The following RYR1 variants were observed in gnomAD, a reference collection of about 807,000 sequenced individuals.
RYR1 encodes the protein central core disease of muscle.
Under a neutral mutation model 583.5 loss-of-function variants are expected in RYR1, and 342 were observed. The ratio of observed to expected loss-of-function variants is 0.59; its 90% CI spans 0.54 to 0.64. The LOEUF (loss-of-function observed/expected upper bound fraction) is 0.64. Among genes scored for constraint, RYR1 ranks in the 30% least tolerant of loss-of-function variants. The probability of loss-of-function intolerance (pLI) is 0.00; values close to 1 mark genes in which losing one functional copy is unlikely to be tolerated. For synonymous variants in RYR1, 2,791 were observed against 2,822.5 expected, an observed-to-expected ratio of 0.99 and a Z score of 0.35; for missense variants, 6,032 against 6,917.2, an observed-to-expected ratio of 0.87 and a Z score of 4.54.
rs11882640 is a variant in RYR1, at chr19:38,473,718, C to T, written c.4107C>T (p.Pro1369=). Residue 1369 remains proline (P), a synonymous_variant, in exon 28 of 106, where the codon CCC becomes CCT. Transcript: ENST00000359596. ...GTPQAGGEAQ[P]ARAENEKDAT... ...CGCAGGCGGGGGGAGAGGCGCAGCC[C>T]GCCAGGGCGGAGAATGAGAAGGATG... The T allele has an allele frequency of 6.0e-3, 9,223 of 1,547,822 alleles. 332 individuals are homozygous for T. In the African/African-American group the frequency reaches 0.092, roughly 15 times the overall value.
Position 38,458,614 on chromosome 19 carries a change from G to T in RYR1, c.2167+322G>T, listed in dbSNP as rs62703960. On this transcript the variant is annotated intron_variant, in intron 18 of 105. Coordinates refer to ENST00000359596, the MANE Select transcript of RYR1 (RefSeq NM_000540.3). ...GAGAATTTATTTATTTATTTATTTT[G>T]TTTGTTTGTTTGTTTGTTTGTTTAT... Among the ~76,000 whole-genome samples the T allele has an allele frequency of 0.86, 125,529 of 146,048 alleles. 54,142 individuals are homozygous for T. The highest frequency in any genetic ancestry group is 0.98 in the East Asian group (4,804 of 4,892).
chr19:38,528,956 T>C lies in RYR1; in HGVS notation c.11040T>C (p.Ala3680=). ...AGTCTCCCCTCTCCCACCAGAAAGC[T>C]GGGGAGCAGGAGGAGGAGGAGGAAG... The part of the protein sequence containing the change: ...EDRMIDDLSK[A]GEQEEEEEEV... Residue 3680 remains alanine, a synonymous_variant, in exon 76 of 106, where the codon GCT becomes GCC. Transcript: ENST00000359596. The C allele has an allele frequency of 6.2e-7, 1 of 1,607,972 alleles. No individual in the cohort carries two copies. The highest frequency in any genetic ancestry group is 8.5e-7 in the Non-Finnish European group (1 of 1,177,154).
At chr19:38,572,352 T>TG in intron 95 of RYR1, 82 bp downstream of exon 95, 4 of 117,944 alleles carry the variant, frequency 3.4e-5, no homozygotes, top group East Asian at 2.7e-4. Flanking sequence ...TGGCTGGGGC[T>TG]GGGGGCCCTC....
At position 38,567,886 on chromosome 19, in the gene RYR1, G is replaced by T. The variant is rs200002274; in HGVS notation, c.13628G>T (p.Gly4543Val). 1.9e-6 allele frequency: 3 copies of T among 1,613,874 alleles called. No individual in the cohort carries two copies. The highest frequency in any genetic ancestry group is 3.3e-5 in the Admixed American group (2 of 60,008). Residue 4543 changes from glycine to valine, a missense_variant, in exon 93 of 106, where the codon GGA becomes GTA. Around this residue, in one of 11 missense-constraint regions of RYR1, gnomAD observed 753 missense variants for 759.6 expected, o/e 0.99. Coordinates refer to ENST00000359596, the MANE Select transcript of RYR1 (RefSeq NM_000540.3). ...KKEEAGGEFW[G>V]ELEVQRVKFL... is the part of the protein sequence containing the mutation. ...GAGGAAGCTGGAGGCGAATTCTGGGGAGAACTGGAGGTGCAGAGGGTGAAG... is the reference window on the plus strand; with the variant it reads ...GAGGAAGCTGGAGGCGAATTCTGGGTAGAACTGGAGGTGCAGAGGGTGAAG...
chr19:38,544,102 G>A (rs1428660868), intron 87 of RYR1, among the ~76,000 whole-genome samples: 3 of 152,028 alleles, frequency 2.0e-5, no homozygotes, highest in Admixed American at 6.6e-5. Context: ...TTCCATCCAC[G>A]CTTCCATTGG....
chr19:38,512,609 G>A lies in RYR1; in HGVS notation c.9472+126G>A. 1 of 923,576 alleles carries A rather than the reference G, an allele frequency of 1.1e-6. No homozygotes were observed. Among genetic ancestry groups the A allele is most frequent in the Non-Finnish European group, 1.7e-6 (1 of 576,650 alleles). The allele number at this position is 923,576 out of a possible 1,614,324, so 57.2% of individuals were successfully genotyped here. A position where few individuals can be genotyped will look rare whatever the true frequency, so the allele number is the denominator to read the frequency against. On this transcript the variant is annotated intron_variant, in intron 63 of 105. Transcript: ENST00000359596. This position sits in a 1 kb window ranked among gnomAD's most constrained non-coding sequence, Gnocchi z 5.1. ...TTTCTTGCTGTAAGCAAAGCATGCAGTCAGTACCTTGGCAGGTGGCAAATG... is the reference window on the plus strand; with the variant it reads ...TTTCTTGCTGTAAGCAAAGCATGCAATCAGTACCTTGGCAGGTGGCAAATG...
rs776128267 is a variant in RYR1, at chr19:38,578,186, G to T, written c.14346G>T (p.Gly4782=). 9 of 1,613,620 alleles carry T rather than the reference G, an allele frequency of 5.6e-6. No homozygotes were observed. In the South Asian group the frequency reaches 8.8e-5, roughly 16 times the overall value. The part of the protein sequence containing the change: ...IDVKYQIWKF[G]VIFTDNSFLY... ...TCAAGTACCAGATCTGGAAGTTCGG[G>T]GTCATCTTCACAGACAACGTGAGCA... The change falls in exon 99 of 106, where the codon GGG becomes GGT. Residue 4782 remains glycine (G), a synonymous_variant. Coordinates refer to ENST00000359596, the MANE Select transcript of RYR1 (RefSeq NM_000540.3).
intron 67 of RYR1, among the ~76,000 whole-genome samples, chr19:38,520,071 CTT>C (rs571307849): frequency 1.7e-4 from 19 of 112,188 alleles, no homozygotes; most frequent in Admixed American, 2.7e-4. Context: ...GAATAGTTTG[CTT>C]TTTTTTTTTT....
At chr19:38,433,901 T>TG in intron 1 of RYR1, 27 bp downstream of exon 1, 1 of 1,603,442 alleles carries the variant, frequency 6.2e-7, no homozygotes, top group Non-Finnish European at 8.5e-7. Context: ...TAGGGGCCTG[T>TG]GGGGCTATCT....
intron 93 of RYR1, 94 bp downstream of exon 93, chr19:38,568,011 C>T (rs1337311157): frequency 1.4e-6 from 2 of 1,427,854 alleles, no homozygotes; most frequent in African/African-American, 1.4e-5. Flanking sequence ...TTGAGTTCAT[C>T]TGTTCAAGCT....
intron 89 of RYR1, among the ~76,000 whole-genome samples, chr19:38,559,319 C>T (rs1273963484): frequency 2.0e-5 from 3 of 150,300 alleles, no homozygotes; most frequent in African/African-American, 7.3e-5. Flanking sequence ...CTGCAACATC[C>T]GCCTCCCAGG....
intron 67 of RYR1, among the ~76,000 whole-genome samples, chr19:38,520,015 A>T (rs893616132): frequency 6.7e-6 from 1 of 148,734 alleles, no homozygotes; most frequent in South Asian, 2.1e-4. Context: ...AATGCTGGAC[A>T]TTTAGATTGT....
chr19:38,527,619 G>T (rs751935048), intron 72 of RYR1, 28 bp from the exon 73 acceptor site: 1 of 1,613,372 alleles, frequency 6.2e-7, no homozygotes, highest in Non-Finnish European at 8.5e-7. Context: ...GGTCCCTCAC[G>T]CCGGCCACTC....
At chr19:38,457,995 T>A in intron 17 of RYR1, 56 bp from the exon 18 acceptor site, 1 of 1,589,864 alleles carries the variant, frequency 6.3e-7, no homozygotes, top group Non-Finnish European at 8.6e-7. Context: ...TCCCACCACT[T>A]GGCTCTCCTC....
chr19:38,451,693 T>G, intron 11 of RYR1, 71 bp from the exon 12 acceptor site: 1 of 1,598,584 alleles, frequency 6.3e-7, no homozygotes, highest in South Asian at 1.1e-5. Flanking sequence ...AACTCAAGTC[T>G]AGACAGACGT....
intron 102 of RYR1, among the ~76,000 whole-genome samples, chr19:38,585,307 G>A (rs1171172584): frequency 6.6e-6 from 1 of 151,204 alleles, no homozygotes. Context: ...GTTGTGATCA[G>A]GATTAAGTCA....
At chr19:38,504,406 G>C in intron 50 of RYR1, 46 bp downstream of exon 50, 1 of 1,601,758 alleles carries the variant, frequency 6.2e-7, no homozygotes, top group African/African-American at 1.3e-5. Context: ...GGAGGGTTTG[G>C]GGCCCAAAAT....
intron 67 of RYR1, among the ~76,000 whole-genome samples, chr19:38,522,536 C>T (rs1369523929): frequency 6.6e-6 from 1 of 151,218 alleles, no homozygotes; most frequent in Non-Finnish European, 1.5e-5. Context: ...TCACTTAAGC[C>T]TGGGAGGTTG....
intron 27 of RYR1, 133 bp from the exon 28 acceptor site, chr19:38,473,244 T>TG (rs1968522270): frequency 5.3e-6 from 6 of 1,133,362 alleles, no homozygotes; most frequent in East Asian, 4.7e-5. Flanking sequence ...CCTGCAGGAG[T>TG]GGGGGGCCCT....
Sources: gnomAD v4.1 joint callset for allele counts (sites outside exome capture counted in the v4.1 genomes callset) on GRCh38, gnomAD v4.1.1 for gene constraint, gnomAD v4.1.1 regional missense constraint, Gnocchi (gnomAD v3.1) non-coding constraint, MANE v1.5 for transcripts, NCBI Gene and HGNC (gene_info 2026-07-23, HGNC 2026-07-21) for gene names.